Variants in EBAG9 observed in about 807,000 individuals in gnomAD.
The protein encoded by EBAG9 is estrogen receptor binding site associated antigen 9, also known as receptor-binding cancer antigen expressed on SiSo cells.
In EBAG9, 16 loss-of-function variants were observed where a neutral mutation model predicts 30.9. That is an observed-to-expected ratio of 0.52 (90% CI 0.35 to 0.79). The LOEUF is 0.79. Among genes scored for constraint, EBAG9 ranks in the 30% least tolerant of loss-of-function variants. The probability of loss-of-function intolerance (pLI) is 0.01; values close to 1 mark genes in which losing one functional copy is unlikely to be tolerated. For synonymous variants in EBAG9, 93 were observed against 82.8 expected (o/e 1.12, Z -0.67); for missense variants, 197 against 242.1 (o/e 0.81, Z 1.24).
In EBAG9 at chr8:109,560,944, T is replaced by A. The variant is rs1463936546; in HGVS notation, c.521+15T>A. The A allele has an allele frequency of 3.1e-6, 5 of 1,604,272 alleles. No individual in the cohort carries two copies. Among genetic ancestry groups the A allele is most frequent in the Non-Finnish European group, 4.3e-6 (5 of 1,172,260 alleles). On this transcript the variant is annotated intron_variant, in intron 6 of 6. Coordinates refer to ENST00000337573, the MANE Select transcript of EBAG9 (RefSeq NM_004215.5). Reference sequence around the variant, plus strand: ...GAAGTTCTGAGGTATTTGAGTGGCATTTATATTGCAACCTGAGTAGAAGAA... The same window carrying A: ...GAAGTTCTGAGGTATTTGAGTGGCAATTATATTGCAACCTGAGTAGAAGAA...
intron 1 of EBAG9, among the ~76,000 whole-genome samples, chr8:109,550,010 T>G (rs977636251): frequency 6.6e-6 from 1 of 152,116 alleles, no homozygotes; most frequent in Non-Finnish European, 1.5e-5. Flanking sequence ...TTATTCAATC[T>G]AACAATCTCT....
At position 109,540,402 on chromosome 8, in the gene EBAG9, G is replaced by C. The variant is rs1372934641; in HGVS notation, c.-75G>C. 1 of 152,256 alleles carries C rather than the reference G, an allele frequency of 6.6e-6. No homozygotes were observed. Among genetic ancestry groups the C allele is most frequent in the African/African-American group, 2.4e-5 (1 of 41,470 alleles). 9.4% of individuals were successfully genotyped at this position (152,256 alleles called of 1,614,324 possible). A position where few individuals can be genotyped will look rare whatever the true frequency, so the allele number is the denominator to read the frequency against. On this transcript the variant is annotated 5_prime_UTR_variant, in exon 1 of 7. Transcript: ENST00000337573. ...CTTAGAGCGTTTCACGTCACGCCGG[G>C]CGCCAGGCGTCGGCTTGTATAACCT...
chr8:109,544,845 CAT>C (rs1821351293), intron 1 of EBAG9, among the ~76,000 whole-genome samples: 2 of 152,114 alleles, frequency 1.3e-5, no homozygotes, highest in Admixed American at 1.3e-4. Context: ...GGGACATTGT[CAT>C]AGTTACTTAA....
At position 109,554,733 on chromosome 8, in the gene EBAG9, A is replaced by G. The variant is rs768219253; in HGVS notation, c.167A>G (p.Asp56Gly). ...ATGTTGATCAATTAAATTTAGACAG[A>G]TGTTGAAGAGTGGACTTCCTGGGAT... ...VDYSSVPKQT[D>G]VEEWTSWDED... The change falls in exon 4 of 7, where the codon GAT becomes GGT. Residue 56 changes from aspartate to glycine, a missense_variant. By Grantham distance (94) the Asp-to-Gly change is moderately conservative. Coordinates refer to ENST00000337573, the MANE Select transcript of EBAG9 (RefSeq NM_004215.5). 1 of 1,612,974 alleles carries G rather than the reference A, an allele frequency of 6.2e-7. No homozygotes were observed.
chr8:109,559,010 A>G (rs1375110719), intron 5 of EBAG9, among the ~76,000 whole-genome samples: 1 of 147,286 alleles, frequency 6.8e-6, no homozygotes, highest in Non-Finnish European at 1.5e-5. Context: ...ACCCTTTTTA[A>G]TGGTCTCTAT....
rs369134522 is a variant in EBAG9, at chr8:109,550,835, C to T, written c.11C>T (p.Thr4Ile). The T allele has an allele frequency of 3.3e-5, 53 of 1,602,760 alleles. No individual in the cohort carries two copies. The highest frequency in any genetic ancestry group is 4.0e-5 in the Non-Finnish European group (47 of 1,172,960). Residue 4 changes from threonine (T) to isoleucine (I), a missense_variant, in exon 2 of 7, where the codon ACC (threonine) becomes ATC (isoleucine). Transcript: ENST00000337573. MAI[T>I]QFRLFKFCTC... Reference sequence around the variant, plus strand: ...GTTTTGATTCCCACCATGGCCATCACCCAGTTTCGGTTATTTAAATTTTGT... The same window carrying T: ...GTTTTGATTCCCACCATGGCCATCATCCAGTTTCGGTTATTTAAATTTTGT...
chr8:109,552,499 G>T (rs967356774), intron 2 of EBAG9, among the ~76,000 whole-genome samples: 1 of 152,130 alleles, frequency 6.6e-6, no homozygotes, highest in African/African-American at 2.4e-5. Flanking sequence ...ATTAAAAATG[G>T]GTATTAATTG....
At chr8:109,549,870 A>C (rs1821458315) in intron 1 of EBAG9, among the ~76,000 whole-genome samples, 2 of 151,914 alleles carry the variant, frequency 1.3e-5, no homozygotes, top group Admixed American at 1.3e-4. Context: ...TGAAATAGTC[A>C]CTTCACCTTT....
intron 2 of EBAG9, 116 bp downstream of exon 2, chr8:109,551,023 G>T (rs1586689064): frequency 3.1e-6 from 2 of 640,532 alleles, no homozygotes; most frequent in Admixed American, 3.0e-5. Flanking sequence ...TATCTTGATT[G>T]CAGTATTTAT....
intron 6 of EBAG9, 134 bp from the exon 7 acceptor site, chr8:109,564,305 A>G (rs1366120787): frequency 8.3e-7 from 1 of 1,211,596 alleles, no homozygotes; most frequent in African/African-American, 1.6e-5. Context: ...GAATTTTCAA[A>G]TTAGTGAGAA....
At chr8:109,542,810 C>T (rs1260472622) in intron 1 of EBAG9, among the ~76,000 whole-genome samples, 2 of 151,812 alleles carry the variant, frequency 1.3e-5, no homozygotes, top group Non-Finnish European at 2.9e-5. Context: ...AAGGGTTGTA[C>T]AGGGCAAAGT....
chr8:109,557,085 C>T (rs1821615884), intron 5 of EBAG9, 43 bp downstream of exon 5: 2 of 1,291,680 alleles, frequency 1.5e-6, no homozygotes, highest in Non-Finnish European at 2.2e-6. Flanking sequence ...TGTTGTATTT[C>T]TGTTTTCTTT....
At chr8:109,543,616 A>G (rs2131097607) in intron 1 of EBAG9, among the ~76,000 whole-genome samples, 1 of 152,304 alleles carries the variant, frequency 6.6e-6, no homozygotes, top group South Asian at 2.1e-4. Flanking sequence ...AGTATACCCT[A>G]TCAGAGATGA....
In EBAG9 at chr8:109,545,120, G is replaced by A. The variant is rs551179092; in HGVS notation, c.-16+4659G>A. ...GTGGATCACTTGAGGTCAAGAGCTCGAGATTAGCCTGGCCAACATGCTGAA... is the reference window on the plus strand; with the variant it reads ...GTGGATCACTTGAGGTCAAGAGCTCAAGATTAGCCTGGCCAACATGCTGAA... On this transcript the variant is annotated intron_variant, in intron 1 of 6. Transcript: ENST00000337573. Among the ~76,000 whole-genome samples the A allele has an allele frequency of 5.3e-5, 8 of 151,800 alleles. No homozygotes were observed. In the South Asian group the frequency reaches 6.2e-4, roughly 12 times the overall value.
intron 4 of EBAG9, among the ~76,000 whole-genome samples, chr8:109,555,523 A>G (rs1821581488): frequency 6.6e-6 from 1 of 152,188 alleles, no homozygotes; most frequent in African/African-American, 2.4e-5. Context: ...AAATCCTACT[A>G]TATGTCAGAT....
At chr8:109,550,949 G>A (rs764639731) in intron 2 of EBAG9, 42 bp downstream of exon 2, 25 of 1,371,502 alleles carry the variant, frequency 1.8e-5, no homozygotes, top group East Asian at 5.0e-5. Flanking sequence ...TTATCTCCTC[G>A]CTGGTTTTGG....
chr8:109,546,803 T>C (rs1004651327), intron 1 of EBAG9, among the ~76,000 whole-genome samples: 1 of 152,212 alleles, frequency 6.6e-6, no homozygotes. Flanking sequence ...TTTGGTGGTC[T>C]GACTCTTTTC....
At chr8:109,548,347 G>T (rs750118009) in intron 1 of EBAG9, among the ~76,000 whole-genome samples, 2 of 151,170 alleles carry the variant, frequency 1.3e-5, no homozygotes, top group African/African-American at 4.9e-5. Flanking sequence ...TGATCTATTC[G>T]TGTATTTTGA....
At chr8:109,551,861 TA>T (rs1821501288) in intron 2 of EBAG9, among the ~76,000 whole-genome samples, 1 of 152,196 alleles carries the variant, frequency 6.6e-6, no homozygotes. Context: ...TGATTGTGGT[TA>T]TTTAAGAATA....
Sources: allele counts gnomAD v4.1 joint callset (sites outside exome capture counted in the v4.1 genomes callset), GRCh38; gene constraint gnomAD v4.1.1; transcripts MANE v1.5; gene names NCBI Gene and HGNC (gene_info 2026-07-23, HGNC 2026-07-21).